The following WDPCP variants were observed in gnomAD, a reference collection of about 807,000 sequenced individuals.
WDPCP encodes WD repeat-containing and planar cell polarity effector protein fritz homolog.
WDPCP carries 71 observed loss-of-function variants against 93.1 expected under a neutral mutation model. The observed-to-expected ratio is 0.76, with a 90% CI of 0.63 to 0.93. The LOEUF is 0.93. WDPCP is among the 40% of genes least tolerant of loss of function. The pLI, the probability that WDPCP is intolerant of heterozygous loss-of-function variation, is 0.00. For missense variants in WDPCP, 844 were observed against 887.4 expected (o/e 0.95, Z 0.62); for synonymous variants, 315 against 315.0 (o/e 1.00, Z 0.00).
chr2:63,762,437 G>A (rs923702966), intron 2 of WDPCP, among the ~76,000 whole-genome samples: 20 of 152,130 alleles, frequency 1.3e-4, no homozygotes, highest in Non-Finnish European at 2.9e-5. Flanking sequence ...CCAATAAACT[G>A]GGCATTTTTG....
At chr2:63,326,099 C>A (rs1365655881) in intron 12 of WDPCP, among the ~76,000 whole-genome samples, 1 of 152,180 alleles carries the variant, frequency 6.6e-6, no homozygotes, top group Non-Finnish European at 1.5e-5. Flanking sequence ...ATGTAAATGG[C>A]GTACTAGGTG....
intron 12 of WDPCP, among the ~76,000 whole-genome samples, chr2:63,320,505 G>A (rs372584429): frequency 2.6e-5 from 4 of 152,130 alleles, no homozygotes; most frequent in African/African-American, 9.7e-5. Context: ...TAACATGTAG[G>A]TTATACAATA....
At chr2:63,639,015 A>G (rs1201872922) in intron 3 of WDPCP, among the ~76,000 whole-genome samples, 3 of 152,264 alleles carry the variant, frequency 2.0e-5, no homozygotes, top group African/African-American at 7.2e-5. Flanking sequence ...AAATTTGGCA[A>G]CTTAGGTGAA....
chr2:63,559,685 G>A lies in WDPCP; in HGVS notation c.75+28512C>T, dbSNP rs115454468. On this transcript the variant is annotated intron_variant, in intron 1 of 17. Coordinates refer to ENST00000272321, the MANE Select transcript of WDPCP (RefSeq NM_015910.7). Reference sequence around the variant, plus strand: ...ACTCCCATTCACAACTGCTATAAAGGAAGTAAAATATCTAGGAATATTTAA... The same window carrying A: ...ACTCCCATTCACAACTGCTATAAAGAAAGTAAAATATCTAGGAATATTTAA... Among the ~76,000 whole-genome samples, 471 of 152,098 alleles carry A rather than the reference G, an allele frequency of 3.1e-3. 4 individuals carry two copies. The highest frequency in any genetic ancestry group is 0.011 in the African/African-American group (437 of 41,470).
intron 1 of WDPCP, among the ~76,000 whole-genome samples, chr2:63,552,829 C>G (rs1705782548): frequency 6.6e-6 from 1 of 152,266 alleles, no homozygotes; most frequent in South Asian, 2.1e-4. Flanking sequence ...AGATGAGTAG[C>G]AAACTTTTAG....
In WDPCP at chr2:63,259,451, C is replaced by A. The variant is rs776889525; in HGVS notation, c.1813-42G>T. The A allele has an allele frequency of 1.5e-5, 23 of 1,509,876 alleles. No homozygotes were observed. The African/African-American group carries it at 2.6e-4, about 17-fold the overall frequency. The allele number at this position is 1,509,876 out of a possible 1,614,324, so 93.5% of individuals were successfully genotyped here. ...AAATAAAAGATTGATTCAAAATGAA[C>A]CTTGCCCAAGTTACAAGGAGGATTT... On this transcript the variant is annotated intron_variant, in intron 13 of 17. Transcript: ENST00000272321.
chr2:63,334,683 C>T (rs1260551448), intron 12 of WDPCP, among the ~76,000 whole-genome samples: 2 of 152,014 alleles, frequency 1.3e-5, no homozygotes, highest in African/African-American at 4.8e-5. Context: ...GATTTATTTT[C>T]CTTTCACAAT....
intron 14 of WDPCP, among the ~76,000 whole-genome samples, 153 bp downstream of exon 14, chr2:63,259,154 C>CTGT (rs1681389637): frequency 6.6e-6 from 1 of 152,168 alleles, no homozygotes; most frequent in African/African-American, 2.4e-5. Context: ...CAACATTGTG[C>CTGT]TGTTTGTCAA....
chr2:63,437,733 T>G (rs1381761455), intron 7 of WDPCP, 179 bp from the exon 8 acceptor site: 3 of 1,082,976 alleles, frequency 2.8e-6, no homozygotes, highest in East Asian at 2.6e-5. Context: ...ACAATAATTG[T>G]CAATCTAATC....
At chr2:63,808,681 T>C (rs1558915943) in intron 2 of WDPCP, among the ~76,000 whole-genome samples, 1 of 152,132 alleles carries the variant, frequency 6.6e-6, no homozygotes, top group Non-Finnish European at 1.5e-5. Context: ...TGGCGTGATC[T>C]CGGCTCGCTA....
At chr2:63,666,150 A>G (rs1035588632) in intron 2 of WDPCP, among the ~76,000 whole-genome samples, 3 of 152,326 alleles carry the variant, frequency 2.0e-5, no homozygotes, top group African/African-American at 7.2e-5. Flanking sequence ...CTGAATGTTA[A>G]TGTTATTTAA....
chr2:63,464,244 C>T (rs953165563), intron 6 of WDPCP, among the ~76,000 whole-genome samples: 1 of 151,932 alleles, frequency 6.6e-6, no homozygotes, highest in African/African-American at 2.4e-5. Flanking sequence ...ATATAAATAC[C>T]CAACAAGCAT....
chr2:63,353,124 C>A (rs1689753577), intron 12 of WDPCP, among the ~76,000 whole-genome samples: 1 of 152,230 alleles, frequency 6.6e-6, no homozygotes, highest in Middle Eastern at 3.4e-3. Flanking sequence ...CAGGGAACCA[C>A]GATTCTCCTA....
chr2:63,305,022 G>A (rs1019140155), intron 13 of WDPCP, among the ~76,000 whole-genome samples: 22 of 152,236 alleles, frequency 1.4e-4, no homozygotes, highest in Admixed American at 2.6e-4. Flanking sequence ...CAGCAAAGCC[G>A]CGGTAGCCAG....
chr2:63,444,996 T>G (rs904399939), intron 6 of WDPCP, among the ~76,000 whole-genome samples: 1 of 152,146 alleles, frequency 6.6e-6, no homozygotes, highest in Admixed American at 6.6e-5. Context: ...GCTCTTCAAA[T>G]TGGCTTCTCT....
intron 10 of WDPCP, among the ~76,000 whole-genome samples, chr2:63,396,544 A>G (rs1333937970): frequency 6.6e-6 from 1 of 152,230 alleles, no homozygotes; most frequent in Non-Finnish European, 1.5e-5. Context: ...ACCAACATGG[A>G]AGGAGTGAGC....
At chr2:63,800,326 C>G (rs1670677707) in intron 2 of WDPCP, among the ~76,000 whole-genome samples, 1 of 152,176 alleles carries the variant, frequency 6.6e-6, no homozygotes, top group African/African-American at 2.4e-5. Flanking sequence ...AGCTGCATTT[C>G]TGGTTCTTGC....
At chr2:63,704,932 C>A (rs554746205) in intron 2 of WDPCP, among the ~76,000 whole-genome samples, 2 of 152,210 alleles carry the variant, frequency 1.3e-5, no homozygotes, top group East Asian at 3.9e-4. Flanking sequence ...TGGTCCTGGA[C>A]TTTTTTTGAT....
chr2:63,389,114 G>A (rs1692996727), intron 10 of WDPCP, among the ~76,000 whole-genome samples: 1 of 152,044 alleles, frequency 6.6e-6, no homozygotes, highest in African/African-American at 2.4e-5. Context: ...CACCAAGGTT[G>A]AAATGAAGAA....
Sources: allele counts gnomAD v4.1 joint callset (sites outside exome capture counted in the v4.1 genomes callset), GRCh38; gene constraint gnomAD v4.1.1; transcripts MANE v1.5; gene names NCBI Gene and HGNC (gene_info 2026-07-23, HGNC 2026-07-21).